Variants in WASL observed in about 807,000 individuals in gnomAD.
The protein encoded by WASL is actin nucleation-promoting factor WASL.
WASL carries 20 observed loss-of-function variants against 55.5 expected under a neutral mutation model. The observed-to-expected ratio is 0.36, with a 90% confidence interval of 0.25 to 0.52. WASL has a LOEUF of 0.52. WASL is among the 20% of genes least tolerant of loss of function. The pLI is 0.92. For synonymous variants in WASL, 249 were observed against 217.6 expected, an observed-to-expected ratio of 1.14 and a Z score of -1.27; for missense variants, 504 against 622.5, an observed-to-expected ratio of 0.81 and a Z score of 2.03.
intron 1 of WASL, among the ~76,000 whole-genome samples, chr7:123,733,913 C>CAAAAA (rs33913069): frequency 5.4e-5 from 6 of 110,790 alleles, no homozygotes; most frequent in Non-Finnish European, 9.2e-5. Flanking sequence ...ATCCACGTGC[C>CAAAAA]AAAAAAAAAA....
chr7:123,748,208 G>A (rs370013866), intron 1 of WASL, among the ~76,000 whole-genome samples: 2 of 151,972 alleles, frequency 1.3e-5, no homozygotes, highest in African/African-American at 4.8e-5. Context: ...ACCTGGCATT[G>A]TTAAGGAACG....
chr7:123,745,651 T>G (rs561348495), intron 1 of WASL, among the ~76,000 whole-genome samples: 1 of 152,092 alleles, frequency 6.6e-6, no homozygotes, highest in Non-Finnish European at 1.5e-5. Flanking sequence ...AAAATAGACA[T>G]GTCCAAGCTT....
intron 1 of WASL, among the ~76,000 whole-genome samples, chr7:123,735,798 T>G (rs2116821039): frequency 6.6e-6 from 1 of 151,982 alleles, no homozygotes; most frequent in Non-Finnish European, 1.5e-5. Flanking sequence ...GAGGAAAAAA[T>G]GCTATACAGC....
At position 123,743,483 on chromosome 7, in the gene WASL, ACT is replaced by A. The variant is rs532875874; in HGVS notation, c.117+5133_117+5134del. Among the ~76,000 whole-genome samples, 197 of 152,160 alleles carry A rather than the reference ACT, an allele frequency of 1.3e-3. 6 individuals carry two copies. The South Asian group carries it at 0.036, about 28-fold the overall frequency. Reference sequence around the variant, plus strand: ...CCAGGGAGGCTCAGGCTGCCCAGACACTCCCCAAAGAGATACATTCAAGCTGC... The same window carrying A: ...CCAGGGAGGCTCAGGCTGCCCAGACACCCCAAAGAGATACATTCAAGCTGC... On this transcript the variant is annotated intron_variant, in intron 1 of 10. Transcript: ENST00000223023.
rs1804411943 is a variant in WASL, at chr7:123,745,235, CTCA to C, written c.117+3380_117+3382del. ...CCAAAGTACTCTCTTAATTCAGGCCCTCATCATATTTCACCTGCAATACTATAA... is the reference window on the plus strand; with the variant it reads ...CCAAAGTACTCTCTTAATTCAGGCCCTCATATTTCACCTGCAATACTATAA... On this transcript the variant is annotated intron_variant, in intron 1 of 10. Coordinates refer to ENST00000223023, the MANE Select transcript of WASL (RefSeq NM_003941.4). Among the ~76,000 whole-genome samples the C allele has an allele frequency of 1.3e-5, 2 of 152,052 alleles. 1 individual carries two copies. Among genetic ancestry groups the C allele is most frequent in the South Asian group, 4.1e-4 (2 of 4,832 alleles).
intron 8 of WASL, among the ~76,000 whole-genome samples, chr7:123,693,243 T>C (rs1803441818): frequency 6.6e-6 from 1 of 152,172 alleles, no homozygotes; most frequent in African/African-American, 2.4e-5. Context: ...TTAATAAAAA[T>C]AAATACCTTC....
intron 10 of WASL, among the ~76,000 whole-genome samples, chr7:123,687,015 T>C (rs1408413530): frequency 6.6e-6 from 1 of 152,126 alleles, no homozygotes; most frequent in Non-Finnish European, 1.5e-5. Flanking sequence ...AATAGGTATC[T>C]CAAATTTAAT....
intron 2 of WASL, 141 bp from the exon 3 acceptor site, chr7:123,706,967 T>A (rs910818309): frequency 4.5e-6 from 2 of 448,204 alleles, no homozygotes; most frequent in Admixed American, 8.6e-5. Flanking sequence ...TTATAATATA[T>A]AAATAGTGTC....
chr7:123,711,580 GAAT>G (rs1258575631), intron 1 of WASL, among the ~76,000 whole-genome samples: 2 of 152,050 alleles, frequency 1.3e-5, no homozygotes, highest in Non-Finnish European at 2.9e-5. Flanking sequence ...TTCTAATTCA[GAAT>G]AATTACAGTG....
chr7:123,739,890 GTGTGTGTGTGTGTGTGTGTGTGTGTA>G (rs1252021430), intron 1 of WASL, among the ~76,000 whole-genome samples: 1,987 of 52,224 alleles, frequency 0.038, 50 homozygotes, highest in African/African-American at 0.13. Context: ...GTGTGTGTGT[GTGTGTGTGTGTGTGTGTGTGTGTGTA>G]TATATATATA....
At chr7:123,693,177 A>G (rs534574491) in intron 8 of WASL, among the ~76,000 whole-genome samples, 1 of 152,360 alleles carries the variant, frequency 6.6e-6, no homozygotes, top group African/African-American at 2.4e-5. Context: ...TTACAAAATA[A>G]TAACAAAATA....
intron 7 of WASL, among the ~76,000 whole-genome samples, chr7:123,695,421 G>A (rs1803475451): frequency 6.6e-6 from 1 of 151,994 alleles, no homozygotes; most frequent in African/African-American, 2.4e-5. Context: ...ATAAAACAAC[G>A]GCAAAACTGC....
intron 1 of WASL, among the ~76,000 whole-genome samples, chr7:123,745,856 A>G (rs956246603): frequency 6.6e-6 from 1 of 152,138 alleles, no homozygotes; most frequent in Admixed American, 6.5e-5. Context: ...ACCTCTCATC[A>G]GCCTAGGGAG....
chr7:123,717,904 G>A (rs1803871971), intron 1 of WASL, among the ~76,000 whole-genome samples: 1 of 152,088 alleles, frequency 6.6e-6, no homozygotes, highest in Non-Finnish European at 1.5e-5. Context: ...TGCCTGCGCT[G>A]CAAAAAACTT....
intron 1 of WASL, among the ~76,000 whole-genome samples, chr7:123,744,257 A>G (rs1804393543): frequency 6.6e-6 from 1 of 152,224 alleles, no homozygotes. Flanking sequence ...TAATAAATGA[A>G]GACTAAAGTC....
chr7:123,748,690 G>C lies in WASL; in HGVS notation c.45C>G (p.Thr15=), dbSNP rs779032830. 1.9e-6 allele frequency: 3 copies of C among 1,611,458 alleles called. No homozygotes were observed. The highest frequency in any genetic ancestry group is 2.2e-5 in the South Asian group (2 of 90,780). ...QQQPPPPRRV[T]NVGSLLLTPQ... ...GGGTGAGCAACAGGGACCCCACGTTGGTGACCCTCCGCGGCGGCGGCGGCT... is the reference window on the plus strand; with the variant it reads ...GGGTGAGCAACAGGGACCCCACGTTCGTGACCCTCCGCGGCGGCGGCGGCT... The change falls in exon 1 of 11, where the codon ACC becomes ACG. Residue 15 remains threonine (T), a synonymous_variant. Transcript: ENST00000223023.
At chr7:123,725,090 C>A (rs1804019470) in intron 1 of WASL, among the ~76,000 whole-genome samples, 2 of 152,180 alleles carry the variant, frequency 1.3e-5, no homozygotes, top group Non-Finnish European at 2.9e-5. Flanking sequence ...AAAGAATGTA[C>A]TTTTCCCACT....
intron 2 of WASL, among the ~76,000 whole-genome samples, chr7:123,708,362 A>G (rs780383037): frequency 6.6e-6 from 1 of 152,210 alleles, no homozygotes; most frequent in Non-Finnish European, 1.5e-5. Flanking sequence ...TTAGCGCCCA[A>G]GAGTTTAAAG....
At chr7:123,728,059 T>C (rs1022461808) in intron 1 of WASL, among the ~76,000 whole-genome samples, 2 of 152,226 alleles carry the variant, frequency 1.3e-5, no homozygotes, top group Admixed American at 6.5e-5. Flanking sequence ...ACTGCTGTAT[T>C]CATCATCTCA....
Sources: allele counts gnomAD v4.1 joint callset (sites outside exome capture counted in the v4.1 genomes callset), GRCh38; gene constraint gnomAD v4.1.1; transcripts MANE v1.5; gene names NCBI Gene and HGNC (gene_info 2026-07-23, HGNC 2026-07-21).